VPS35L: variants seen among roughly 807,000 people sequenced by gnomAD.
VPS35L encodes VPS35 endosomal protein-sorting factor-like.
VPS35L carries 83 observed loss-of-function variants against 133.0 expected under a neutral mutation model. That is an observed-to-expected ratio of 0.62 (90% CI 0.52 to 0.75). The LOEUF (loss-of-function observed/expected upper bound fraction) is 0.75. VPS35L is among the 30% of genes least tolerant of loss of function. VPS35L has a pLI of 0.00. For synonymous variants in VPS35L, 423 were observed against 449.9 expected (o/e 0.94, Z 0.76); for missense variants, 1,083 against 1,206.8 (o/e 0.90, Z 1.52).
At chr16:19,694,380 G>A (rs2064533676) in intron 29 of VPS35L, 1 of 151,908 alleles carries the variant, frequency 6.6e-6, no homozygotes, top group Admixed American at 6.6e-5. Flanking sequence ...GTTTTCAGGA[G>A]AGAGCCCTTT....
intron 24 of VPS35L, 41 bp downstream of exon 24, chr16:19,647,923 T>C (rs1597392925): frequency 6.8e-7 from 1 of 1,468,050 alleles, no homozygotes; most frequent in African/African-American, 1.4e-5. Context: ...TCAGTAAATA[T>C]TTATTGATCA....
At position 19,640,094 on chromosome 16, in the gene VPS35L, T is replaced by G; in HGVS notation, c.1778T>G (p.Phe593Cys). Residue 593 changes from phenylalanine to cysteine, a missense_variant, in exon 21 of 31, where the codon TTT becomes TGT. Transcript: ENST00000417362. Reference protein sequence around the residue: ...VEVCKCIMDAFIKHQQEPTKD... With the variant: ...VEVCKCIMDACIKHQQEPTKD... ...GTTTGCAAATGCATCATGGACGCCT[T>G]TATCAAGTGAGTGCCACTGCGTGCA... is the stretch of plus-strand genomic sequence containing the variant. The G allele has an allele frequency of 6.2e-7, 1 of 1,613,932 alleles. No homozygotes were observed. The highest frequency in any genetic ancestry group is 8.5e-7 in the Non-Finnish European group (1 of 1,179,796).
intron 28 of VPS35L, among the ~76,000 whole-genome samples, chr16:19,686,232 T>G (rs929735881): frequency 6.6e-6 from 1 of 152,126 alleles, no homozygotes; most frequent in Non-Finnish European, 1.5e-5. Context: ...TAGGGAGGCT[T>G]TTAGACGATG....
At chr16:19,646,630 A>T (rs1310471624) in intron 23 of VPS35L, among the ~76,000 whole-genome samples, 2 of 151,534 alleles carry the variant, frequency 1.3e-5, no homozygotes, top group Non-Finnish European at 2.9e-5. Context: ...ATGCCACTGC[A>T]CTCCAGCCTG....
chr16:19,632,829 A>G (rs746815752), intron 18 of VPS35L, among the ~76,000 whole-genome samples: 3 of 152,266 alleles, frequency 2.0e-5, no homozygotes, highest in Non-Finnish European at 4.4e-5. Context: ...CGATTCAACC[A>G]TCACTCTGGG....
rs1973546161 is a variant in VPS35L, at chr16:19,634,069, C to G, written c.1635+897C>G. On this transcript the variant is annotated intron_variant, in intron 19 of 30. Coordinates refer to ENST00000417362, the MANE Select transcript of VPS35L (RefSeq NM_020314.7). ...ACATATGCTTTATCATTCACGCATTCCACACATATATACATGTATGTGTGT... is the reference window on the plus strand; with the variant it reads ...ACATATGCTTTATCATTCACGCATTGCACACATATATACATGTATGTGTGT... Among the ~76,000 whole-genome samples the G allele has an allele frequency of 2.0e-5, 3 of 151,870 alleles. No homozygotes were observed. The South Asian group carries it at 6.2e-4, about 32-fold the overall frequency.
At chr16:19,693,453 T>C (rs1387605038) in intron 29 of VPS35L, among the ~76,000 whole-genome samples, 1 of 151,672 alleles carries the variant, frequency 6.6e-6, no homozygotes, top group African/African-American at 2.4e-5. Flanking sequence ...CCAGCTTGGG[T>C]AACATAGTAA....
chr16:19,699,877 C>T lies in VPS35L; in HGVS notation c.2793+229C>T, dbSNP rs1259720475. On this transcript the variant is annotated intron_variant, in intron 30 of 30. Transcript: ENST00000417362. This position sits in a 1 kb window ranked among gnomAD's most constrained non-coding sequence, Gnocchi z 4.2. ...CTTTGGGAGGCTGAGACAGGAGGAT[C>T]GCTTGAGGCTAAGGGTTTGACACCA... Among the ~76,000 whole-genome samples the T allele has an allele frequency of 1.3e-5, 2 of 152,146 alleles. No homozygotes were observed. The highest frequency in any genetic ancestry group is 6.5e-5 in the Admixed American group (1 of 15,274).
intron 27 of VPS35L, among the ~76,000 whole-genome samples, chr16:19,670,254 G>A (rs1974831348): frequency 6.6e-6 from 1 of 152,198 alleles, no homozygotes; most frequent in South Asian, 2.1e-4. Context: ...TAGGGTCTCC[G>A]TGTATGAATT....
At chr16:19,668,520 A>G (rs1017315802) in intron 26 of VPS35L, among the ~76,000 whole-genome samples, 3 of 151,794 alleles carry the variant, frequency 2.0e-5, no homozygotes, top group African/African-American at 7.3e-5. Flanking sequence ...AGATTTTTTC[A>G]TAGCTCTTTA....
chr16:19,555,990 T>C (rs1970842597), intron 1 of VPS35L, among the ~76,000 whole-genome samples: 1 of 152,154 alleles, frequency 6.6e-6, no homozygotes, highest in African/African-American at 2.4e-5. Flanking sequence ...CACGGGCCCC[T>C]GTCCATTCAT....
intron 7 of VPS35L, among the ~76,000 whole-genome samples, chr16:19,591,128 G>C (rs890865514): frequency 6.6e-6 from 1 of 152,114 alleles, no homozygotes; most frequent in Non-Finnish European, 1.5e-5. Flanking sequence ...TGTTCCTTTT[G>C]GGGGGAATTT....
chr16:19,668,961 C>T (rs1448625563), intron 26 of VPS35L, among the ~76,000 whole-genome samples, 199 bp from the exon 27 acceptor site: 1 of 152,222 alleles, frequency 6.6e-6, no homozygotes, highest in East Asian at 1.9e-4. Context: ...CAGAGGTTCT[C>T]TGAGCTGAAG....
chr16:19,568,323 CAG>C (rs928673265), intron 2 of VPS35L, among the ~76,000 whole-genome samples: 34 of 149,698 alleles, frequency 2.3e-4, no homozygotes, highest in Non-Finnish European at 4.6e-4. Flanking sequence ...TTTTTTGAGA[CAG>C]GGTCTCACTG....
intron 26 of VPS35L, among the ~76,000 whole-genome samples, chr16:19,659,037 T>C (rs1398541011): frequency 6.6e-6 from 1 of 152,228 alleles, no homozygotes; most frequent in Non-Finnish European, 1.5e-5. Context: ...TTAGTTCTTC[T>C]ATATCATAAC....
intron 26 of VPS35L, among the ~76,000 whole-genome samples, chr16:19,652,846 A>G (rs997930142): frequency 1.3e-5 from 2 of 152,244 alleles, no homozygotes; most frequent in African/African-American, 2.4e-5. Context: ...TGTTACAGAT[A>G]GTTTCTGCCC....
intron 26 of VPS35L, among the ~76,000 whole-genome samples, chr16:19,653,445 T>C (rs1006833922): frequency 6.6e-6 from 1 of 152,180 alleles, no homozygotes; most frequent in Non-Finnish European, 1.5e-5. Flanking sequence ...CTGTGGCTGG[T>C]GCCTTATTAC....
intron 4 of VPS35L, 44 bp from the exon 5 acceptor site, chr16:19,575,054 T>C (rs1211374674): frequency 6.6e-7 from 1 of 1,521,050 alleles, no homozygotes; most frequent in Non-Finnish European, 9.0e-7. Flanking sequence ...ATGAACATAC[T>C]GCCTTCGATT....
intron 14 of VPS35L, among the ~76,000 whole-genome samples, chr16:19,620,587 T>C (rs911358327): frequency 3.3e-5 from 5 of 152,224 alleles, no homozygotes; most frequent in Non-Finnish European, 7.3e-5. Context: ...GTGATTATTA[T>C]GTATTGCATG....
Sources: allele counts gnomAD v4.1 joint callset (sites outside exome capture counted in the v4.1 genomes callset), GRCh38; gene constraint gnomAD v4.1.1; non-coding constraint Gnocchi (gnomAD v3.1); transcripts MANE v1.5; gene names NCBI Gene and HGNC (gene_info 2026-07-23, HGNC 2026-07-21).